Variants in GNAZ observed in about 807,000 individuals in gnomAD.
GNAZ encodes G protein subunit alpha z.
Under a neutral mutation model 25.4 loss-of-function variants are expected in GNAZ, and 3 were observed. The observed-to-expected ratio is 0.12, with a 90% CI of 0.05 to 0.30. The LOEUF is 0.30. Among genes scored for constraint, GNAZ ranks in the 10% least tolerant of loss-of-function variants. The pLI, the probability that GNAZ is intolerant of heterozygous loss-of-function variation, is 1.00. For missense variants in GNAZ, 241 were observed against 501.8 expected, an observed-to-expected ratio of 0.48 and a Z score of 4.97; for synonymous variants, 211 against 205.7, an observed-to-expected ratio of 1.03 and a Z score of -0.22.
At chr22:23,089,204 C>T (rs781570864) in intron 1 of GNAZ, among the ~76,000 whole-genome samples, 40 of 152,204 alleles carry the variant, frequency 2.6e-4, no homozygotes, top group East Asian at 7.7e-4. Context: ...TAAGTCTTCC[C>T]GCCCCTGGCT....
chr22:23,091,683 T>G (rs1241373819), intron 1 of GNAZ, among the ~76,000 whole-genome samples: 3 of 152,200 alleles, frequency 2.0e-5, no homozygotes, highest in Admixed American at 6.5e-5. Flanking sequence ...ACAGTGGACC[T>G]GCATACACAC....
intron 2 of GNAZ, among the ~76,000 whole-genome samples, chr22:23,121,107 G>A (rs2070013263): frequency 6.6e-6 from 1 of 152,172 alleles, no homozygotes; most frequent in Non-Finnish European, 1.5e-5. Flanking sequence ...GTTCACTGCG[G>A]AGGCGCTGGC....
chr22:23,122,902 G>A (rs749604230), intron 2 of GNAZ, among the ~76,000 whole-genome samples, 185 bp from the exon 3 acceptor site: 3 of 152,208 alleles, frequency 2.0e-5, no homozygotes, highest in Non-Finnish European at 2.9e-5. Context: ...GGGTGCTGCC[G>A]GCTATTTCCG....
chr22:23,096,896 A>G (rs2069141398), intron 2 of GNAZ, among the ~76,000 whole-genome samples: 1 of 152,232 alleles, frequency 6.6e-6, no homozygotes, highest in Non-Finnish European at 1.5e-5. Context: ...GGATTCTTTC[A>G]CAGTGGCATG....
intron 2 of GNAZ, among the ~76,000 whole-genome samples, chr22:23,112,796 C>T (rs2069691224): frequency 6.6e-6 from 1 of 152,086 alleles, no homozygotes; most frequent in Non-Finnish European, 1.5e-5. Context: ...ACAGAAGACC[C>T]TCAGTGGGGA....
At chr22:23,103,012 G>A (rs548386777) in intron 2 of GNAZ, among the ~76,000 whole-genome samples, 2 of 152,202 alleles carry the variant, frequency 1.3e-5, no homozygotes, top group Non-Finnish European at 1.5e-5. Context: ...AGGGAGGAGA[G>A]AACAAGAGAG....
chr22:23,121,934 T>C (rs2070041123), intron 2 of GNAZ, among the ~76,000 whole-genome samples: 1 of 152,062 alleles, frequency 6.6e-6, no homozygotes, highest in Non-Finnish European at 1.5e-5. Flanking sequence ...AGTTTCACTG[T>C]GTTGGCCAGG....
intron 2 of GNAZ, among the ~76,000 whole-genome samples, chr22:23,107,752 A>T (rs1354342212): frequency 1.3e-5 from 2 of 152,118 alleles, no homozygotes; most frequent in African/African-American, 4.8e-5. Context: ...TGAAAATCAA[A>T]CCCACATTTT....
chr22:23,080,231 T>C (rs1015707678), intron 1 of GNAZ, among the ~76,000 whole-genome samples: 8 of 152,222 alleles, frequency 5.3e-5, no homozygotes, highest in African/African-American at 1.9e-4. Context: ...CCTGAGTCAG[T>C]GTTCCTCAGG....
Position 23,124,448 on chromosome 22 carries a change from C to T in GNAZ, c.*1017C>T, listed in dbSNP as rs965773230. On this transcript the variant is annotated 3_prime_UTR_variant, in exon 3 of 3. Transcript: ENST00000615612. ...AGTCCTGCGCCAGCCTCGCGGGACACGTGTTGTACATAAGCCTCTGCAGTG... is the reference window on the plus strand; with the variant it reads ...AGTCCTGCGCCAGCCTCGCGGGACATGTGTTGTACATAAGCCTCTGCAGTG... 8.6e-6 allele frequency: 4 copies of T among 467,746 alleles called. No individual in the cohort carries two copies. Among genetic ancestry groups the T allele is most frequent in the African/African-American group, 4.0e-5 (2 of 49,952 alleles). The allele number at this position is 467,746 out of a possible 1,614,324, so 29.0% of individuals were successfully genotyped here. A position where few individuals can be genotyped will look rare whatever the true frequency, so the allele number is the denominator to read the frequency against.
At chr22:23,074,474 A>G (rs2068459901) in intron 1 of GNAZ, among the ~76,000 whole-genome samples, 1 of 152,034 alleles carries the variant, frequency 6.6e-6, no homozygotes, top group African/African-American at 2.4e-5. Flanking sequence ...AGAGGTGGGG[A>G]ATTAGGAGGT....
Position 23,124,110 on chromosome 22 carries a change from A to G in GNAZ, c.*679A>G, listed in dbSNP as rs1294546551. On this transcript the variant is annotated 3_prime_UTR_variant, in exon 3 of 3. Coordinates refer to ENST00000615612, the MANE Select transcript of GNAZ (RefSeq NM_002073.4). ...AAAACGAGTGGCACGATTTATTTCA[A>G]ACTAGGCCAGCTGGGATTCCAGCTT... 4.7e-6 allele frequency: 1 copy of G among 211,392 alleles called. No individual in the cohort carries two copies. Among genetic ancestry groups the G allele is most frequent in the East Asian group, 1.5e-4 (1 of 6,664 alleles). The allele number at this position is 211,392 out of a possible 1,614,324, so 13.1% of individuals were successfully genotyped here.
chr22:23,103,453 T>A (rs2069362704), intron 2 of GNAZ, among the ~76,000 whole-genome samples: 2 of 152,170 alleles, frequency 1.3e-5, no homozygotes, highest in Non-Finnish European at 2.9e-5. Flanking sequence ...TCCTTGCCTG[T>A]CAGTCTCCCA....
intron 2 of GNAZ, among the ~76,000 whole-genome samples, chr22:23,099,597 C>T (rs1458494321): frequency 6.6e-6 from 1 of 152,254 alleles, no homozygotes; most frequent in East Asian, 1.9e-4. Context: ...CTGGCGCTGG[C>T]GGGCCCCCAG....
chr22:23,106,007 C>G (rs980295875), intron 2 of GNAZ, among the ~76,000 whole-genome samples: 1 of 152,156 alleles, frequency 6.6e-6, no homozygotes, highest in Non-Finnish European at 1.5e-5. Context: ...CACAGGAGCT[C>G]CAGGCCCTTT....
intron 1 of GNAZ, among the ~76,000 whole-genome samples, chr22:23,091,526 A>G (rs539648435): frequency 7.1e-4 from 105 of 148,154 alleles, no homozygotes; most frequent in African/African-American, 2.4e-3. Context: ...ACACACCGCA[A>G]TAGACCTACA....
At chr22:23,099,454 G>A (rs1044837077) in intron 2 of GNAZ, among the ~76,000 whole-genome samples, 3 of 152,276 alleles carry the variant, frequency 2.0e-5, no homozygotes, top group Admixed American at 2.0e-4. Context: ...TCCTCAGGCA[G>A]CACAGGAGGC....
chr22:23,122,813 T>C (rs2146402626), intron 2 of GNAZ: 1 of 525,548 alleles, frequency 1.9e-6, no homozygotes, highest in Non-Finnish European at 3.4e-6. Context: ...CAAAGCTATA[T>C]GTTGAGATCA....
At chr22:23,090,894 C>T (rs1366793984) in intron 1 of GNAZ, among the ~76,000 whole-genome samples, 2 of 152,224 alleles carry the variant, frequency 1.3e-5, no homozygotes, top group African/African-American at 4.8e-5. Flanking sequence ...CTGCCTCATT[C>T]AGCAGCCCCA....
Sources: gnomAD v4.1 joint callset for allele counts (sites outside exome capture counted in the v4.1 genomes callset) on GRCh38, gnomAD v4.1.1 for gene constraint, MANE v1.5 for transcripts, NCBI Gene and HGNC (gene_info 2026-07-23, HGNC 2026-07-21) for gene names.